Variants in UNC13C observed in about 807,000 individuals in gnomAD.
UNC13C encodes the protein unc-13 homolog C, also known as protein unc-13 homolog C.
In UNC13C, 174 loss-of-function variants were observed where a neutral mutation model predicts 245.4. The ratio of observed to expected loss-of-function variants is 0.71; its 90% CI spans 0.63 to 0.80. The LOEUF (loss-of-function observed/expected upper bound fraction) is 0.80. Among genes scored for constraint, UNC13C ranks in the 30% least tolerant of loss-of-function variants. UNC13C has a pLI of 0.00. For synonymous variants in UNC13C, 992 were observed against 895.1 expected (o/e 1.11, Z -1.93); for missense variants, 2,829 against 2,602.9 (o/e 1.09, Z -1.89).
Position 54,015,238 on chromosome 15 carries a change from T to C in UNC13C, c.2335T>C (p.Trp779Arg). The C allele has an allele frequency of 1.2e-6, 2 of 1,613,454 alleles. No homozygotes were observed. The highest frequency in any genetic ancestry group is 2.2e-5 in the East Asian group (1 of 44,862). The change falls in exon 2 of 33, where the codon TGG becomes CGG. Residue 779 changes from tryptophan to arginine, a missense_variant. By Grantham distance (101) the Trp-to-Arg change is moderately radical. Transcript: ENST00000260323. ...DDSEDAPPKSWHSRLSIDLSD... is the reference protein window; with the variant it reads ...DDSEDAPPKSRHSRLSIDLSD... ...TTCAGAGGATGCCCCACCCAAATCA[T>C]GGCATAGTCGATTAAGCATTGACCT... is the stretch of plus-strand genomic sequence containing the variant.
chr15:54,190,334 C>T (rs1249505787), intron 4 of UNC13C, among the ~76,000 whole-genome samples: 2 of 151,918 alleles, frequency 1.3e-5, no homozygotes, highest in Non-Finnish European at 2.9e-5. Context: ...ATTCAAAAAG[C>T]AAAAAGACTA....
chr15:54,392,027 CTT>C (rs1045858454), intron 17 of UNC13C, among the ~76,000 whole-genome samples: 22 of 152,124 alleles, frequency 1.4e-4, no homozygotes, highest in African/African-American at 5.3e-4. Flanking sequence ...ACATTAGAGT[CTT>C]TGAGTTTCTG....
At chr15:54,386,417 G>A (rs1177316492) in intron 17 of UNC13C, among the ~76,000 whole-genome samples, 3 of 152,154 alleles carry the variant, frequency 2.0e-5, no homozygotes, top group African/African-American at 7.2e-5. Context: ...AAAAAACATG[G>A]AAGGCCTCAG....
rs59177531 is a variant in UNC13C, at chr15:54,269,670, C to G, written c.3818+4174C>G. ...AGGGCTAGTGCTTGTTCCCACCAGACTGGCTAAAATGCATCATAGTTCATG... is the reference window on the plus strand; with the variant it reads ...AGGGCTAGTGCTTGTTCCCACCAGAGTGGCTAAAATGCATCATAGTTCATG... On this transcript the variant is annotated intron_variant, in intron 10 of 32. Transcript: ENST00000260323. Among the ~76,000 whole-genome samples, 19 of 152,210 alleles carry G rather than the reference C, an allele frequency of 1.2e-4. No homozygotes were observed. In the East Asian group the frequency reaches 2.9e-3, roughly 23 times the overall value.
At chr15:54,070,507 C>T (rs1898270949) in intron 2 of UNC13C, among the ~76,000 whole-genome samples, 1 of 151,880 alleles carries the variant, frequency 6.6e-6, no homozygotes, top group African/African-American at 2.4e-5. Context: ...ATGTTACAGC[C>T]CATCAGTCAG....
At chr15:54,197,879 C>T (rs966748542) in intron 4 of UNC13C, among the ~76,000 whole-genome samples, 1 of 152,112 alleles carries the variant, frequency 6.6e-6, no homozygotes, top group Admixed American at 6.6e-5. Flanking sequence ...CACCAAAAAT[C>T]TGTGTCTTTT....
intron 16 of UNC13C, among the ~76,000 whole-genome samples, chr15:54,335,829 G>A (rs773852357): frequency 1.3e-5 from 2 of 152,092 alleles, no homozygotes; most frequent in Non-Finnish European, 2.9e-5. Flanking sequence ...AAATAAGCAT[G>A]GGATTATAGT....
chr15:54,245,668 T>C (rs2140854550), intron 7 of UNC13C, among the ~76,000 whole-genome samples: 1 of 152,286 alleles, frequency 6.6e-6, no homozygotes, highest in East Asian at 1.9e-4. Flanking sequence ...AAAGATCATA[T>C]TATACCTAAT....
At chr15:54,438,097 T>G (rs1359571099) in intron 19 of UNC13C, among the ~76,000 whole-genome samples, 1 of 151,840 alleles carries the variant, frequency 6.6e-6, no homozygotes, top group East Asian at 1.9e-4. Flanking sequence ...AGGTTACTCT[T>G]AAGGAAAGCC....
intron 30 of UNC13C, among the ~76,000 whole-genome samples, chr15:54,610,493 A>G (rs766060283): frequency 6.6e-6 from 1 of 152,106 alleles, no homozygotes; most frequent in Non-Finnish European, 1.5e-5. Context: ...ACCTCTAAAA[A>G]TGTTAGTCAT....
chr15:53,875,512 T>A, the UNC13C span, among the ~76,000 whole-genome samples: 1 of 152,080 alleles, frequency 6.6e-6, no homozygotes, highest in Non-Finnish European at 1.5e-5. Context: ...TGAAGGCTCA[T>A]ATTAGATCAG....
chr15:54,518,536 G>C (rs1895078628), intron 24 of UNC13C, among the ~76,000 whole-genome samples: 1 of 152,152 alleles, frequency 6.6e-6, no homozygotes, highest in Admixed American at 6.6e-5. Flanking sequence ...TTATCTTGTT[G>C]TGATCACCTT....
the UNC13C span, among the ~76,000 whole-genome samples, chr15:53,862,714 T>G: frequency 8.2e-4 from 125 of 152,170 alleles, no homozygotes; most frequent in Middle Eastern, 3.4e-3. Context: ...CACACTCACG[T>G]TGGGGAGACA....
At chr15:53,977,462 A>G (rs533657903), upstream of UNC13C, among the ~76,000 whole-genome samples, 1 of 152,296 alleles carries the variant, frequency 6.6e-6, no homozygotes, top group African/African-American at 2.4e-5. Flanking sequence ...AAAATGCCAT[A>G]CAAATCTGTA....
At chr15:54,369,111 T>C (rs2039430614) in intron 17 of UNC13C, among the ~76,000 whole-genome samples, 1 of 151,998 alleles carries the variant, frequency 6.6e-6, no homozygotes, top group Non-Finnish European at 1.5e-5. Context: ...GTTAGCACAA[T>C]TGGTAAAATT....
chr15:54,111,161 C>T (rs573071452), intron 2 of UNC13C, among the ~76,000 whole-genome samples: 9 of 152,162 alleles, frequency 5.9e-5, no homozygotes, highest in African/African-American at 2.2e-4. Context: ...CTTGGAGAAA[C>T]ATCCTCCTGT....
intron 1 of UNC13C, among the ~76,000 whole-genome samples, chr15:53,991,472 GTTGTATCAGGTGCTCAACCT>G (rs1309639890): frequency 6.6e-6 from 1 of 152,126 alleles, no homozygotes; most frequent in African/African-American, 2.4e-5. Flanking sequence ...CTTGAAAGCT[GTTGTATCAGGTGCTCAACCT>G]TTGTCTCAGC....
chr15:54,217,388 G>A (rs2035074028), intron 4 of UNC13C, among the ~76,000 whole-genome samples: 2 of 151,872 alleles, frequency 1.3e-5, no homozygotes, highest in South Asian at 2.1e-4. Context: ...GTAGTCAGAA[G>A]AGGAAATTAA....
At chr15:54,256,072 C>T (rs567138706) in intron 8 of UNC13C, among the ~76,000 whole-genome samples, 1 of 152,190 alleles carries the variant, frequency 6.6e-6, no homozygotes, top group African/African-American at 2.4e-5. Context: ...TAAAAATAAT[C>T]TGACTTCCAG....
Sources: allele counts gnomAD v4.1 joint callset (sites outside exome capture counted in the v4.1 genomes callset), GRCh38; gene constraint gnomAD v4.1.1; transcripts MANE v1.5; gene names NCBI Gene and HGNC (gene_info 2026-07-23, HGNC 2026-07-21).